The following DPYD variants were observed in gnomAD, a reference collection of about 807,000 sequenced individuals.
DPYD encodes the protein dihydropyrimidine dehydrogenase.
Under a neutral mutation model 116.2 loss-of-function variants are expected in DPYD, and 109 were observed. The observed-to-expected ratio is 0.94, with a 90% CI of 0.80 to 1.10. The LOEUF (loss-of-function observed/expected upper bound fraction) is 1.10, where lower values mean the gene tolerates loss of function less well. Ranked by LOEUF, DPYD falls within the 50% of genes least tolerant of loss-of-function variation. The probability of loss-of-function intolerance (pLI) is 0.00; values close to 1 mark genes in which losing one functional copy is unlikely to be tolerated. For missense variants in DPYD, 1,302 were observed against 1,254.5 expected, an observed-to-expected ratio of 1.04 and a Z score of -0.57; for synonymous variants, 440 against 432.0, an observed-to-expected ratio of 1.02 and a Z score of -0.23.
At chr1:97,475,753 T>C (rs944350379) in intron 13 of DPYD, among the ~76,000 whole-genome samples, 1 of 152,182 alleles carries the variant, frequency 6.6e-6, no homozygotes, top group African/African-American at 2.4e-5. Context: ...AAATTTGGCC[T>C]GTGCACCTTG....
intron 2 of DPYD, among the ~76,000 whole-genome samples, chr1:97,838,351 G>T (rs1253778815): frequency 5.3e-5 from 8 of 152,188 alleles, no homozygotes; most frequent in African/African-American, 1.9e-4. Flanking sequence ...ATGTGGCTCA[G>T]AGTTGTGGGT....
At chr1:97,847,545 T>C (rs1369738429) in intron 2 of DPYD, among the ~76,000 whole-genome samples, 1 of 152,186 alleles carries the variant, frequency 6.6e-6, no homozygotes, top group Non-Finnish European at 1.5e-5. Context: ...ATGCTAATTT[T>C]ATCTGCTTAA....
At chr1:97,483,314 G>A (rs571082190) in intron 13 of DPYD, among the ~76,000 whole-genome samples, 6 of 152,114 alleles carry the variant, frequency 3.9e-5, no homozygotes, top group East Asian at 1.9e-4. Flanking sequence ...AGATGAGCAC[G>A]CTCTCCAGTT....
chr1:97,740,769 T>C lies in DPYD; in HGVS notation c.234-290A>G, dbSNP rs182492380. Among the ~76,000 whole-genome samples, 61 of 152,316 alleles carry C rather than the reference T, an allele frequency of 4.0e-4. 1 individual carries two copies. The highest frequency in any genetic ancestry group is 6.8e-3 in the Middle Eastern group (2 of 294). On this transcript the variant is annotated intron_variant, in intron 3 of 22. Coordinates refer to ENST00000370192, the MANE Select transcript of DPYD (RefSeq NM_000110.4). ...TTTAGGACATACCATTCCCTCACTC[T>C]ATCAGTTTTGTTTCATCCTTCACTA...
chr1:97,578,406 A>G (rs1444346700), intron 10 of DPYD, among the ~76,000 whole-genome samples: 1 of 152,112 alleles, frequency 6.6e-6, no homozygotes, highest in African/African-American at 2.4e-5. Flanking sequence ...GGGCATCATC[A>G]TGATTTTACA....
At chr1:97,213,688 A>T (rs530003115) in intron 19 of DPYD, among the ~76,000 whole-genome samples, 1 of 152,328 alleles carries the variant, frequency 6.6e-6, no homozygotes, top group South Asian at 2.1e-4. Flanking sequence ...CATGGGGATA[A>T]AAAAGGAAAC....
At chr1:97,376,887 G>GTGTGTGTGTGTGTATATATA in intron 15 of DPYD, among the ~76,000 whole-genome samples, 21 of 128,456 alleles carry the variant, frequency 1.6e-4, no homozygotes, top group African/African-American at 5.7e-4. Flanking sequence ...GTGTGTGTGT[G>GTGTGTGTGTGTGTATATATA]TATATATATA....
At chr1:97,558,619 G>T (rs1651916452) in intron 11 of DPYD, among the ~76,000 whole-genome samples, 4 of 152,126 alleles carry the variant, frequency 2.6e-5, no homozygotes. Flanking sequence ...GTAAAATACA[G>T]ATCTGATCTT....
intron 8 of DPYD, among the ~76,000 whole-genome samples, chr1:97,664,842 A>G (rs1659472071): frequency 6.6e-6 from 1 of 152,132 alleles, no homozygotes; most frequent in Non-Finnish European, 1.5e-5. Flanking sequence ...TAAGTTGTAA[A>G]AGGCTGGAAG....
At chr1:97,323,471 G>GTGTATATATACACGTATATATACATATA (rs1197894515) in intron 16 of DPYD, among the ~76,000 whole-genome samples, 3 of 129,720 alleles carry the variant, frequency 2.3e-5, no homozygotes, top group Non-Finnish European at 3.3e-5. Flanking sequence ...ATACATATAT[G>GTGTATATATACACGTATATATACATATA]TGTATATATA....
chr1:97,845,100 AT>A (rs1364560017), intron 2 of DPYD, among the ~76,000 whole-genome samples: 1 of 152,168 alleles, frequency 6.6e-6, no homozygotes, highest in Non-Finnish European at 1.5e-5. Flanking sequence ...GGCACTGTAG[AT>A]TACCTGATCA....
chr1:97,086,184 G>A (rs1405467652), intron 21 of DPYD, among the ~76,000 whole-genome samples: 1 of 152,062 alleles, frequency 6.6e-6, no homozygotes, highest in Non-Finnish European at 1.5e-5. Flanking sequence ...CTCCCAAGTA[G>A]CTGGGGCTAC....
At chr1:97,106,624 C>A (rs963773387) in intron 20 of DPYD, among the ~76,000 whole-genome samples, 1 of 152,084 alleles carries the variant, frequency 6.6e-6, no homozygotes, top group Non-Finnish European at 1.5e-5. Context: ...CTGCTGCCCC[C>A]CTCATCTCCC....
chr1:97,839,788 T>G (rs1046816190), intron 2 of DPYD, among the ~76,000 whole-genome samples: 7 of 152,138 alleles, frequency 4.6e-5, no homozygotes, highest in African/African-American at 1.7e-4. Flanking sequence ...CACCACAAGT[T>G]TGTAGTAATT....
chr1:97,750,774 C>T (rs1044692680), intron 3 of DPYD, among the ~76,000 whole-genome samples: 4 of 152,062 alleles, frequency 2.6e-5, no homozygotes, highest in Admixed American at 6.5e-5. Flanking sequence ...TTGTTTTCAA[C>T]CAAACAAGGA....
rs528346361 is a variant in DPYD, at chr1:97,566,443, T to C, written c.1339+7317A>G. Among the ~76,000 whole-genome samples, 5 of 152,312 alleles carry C rather than the reference T, an allele frequency of 3.3e-5. 1 individual carries two copies. The South Asian group carries it at 1.0e-3, about 32-fold the overall frequency. On this transcript the variant is annotated intron_variant, in intron 11 of 22. Coordinates refer to ENST00000370192, the MANE Select transcript of DPYD (RefSeq NM_000110.4). ...TTATTGTATTGTATCCAGTGTATTA[T>C]ACCGGACTGATTACTTTAGTTCTTA...
At chr1:97,557,308 CT>C (rs796245332) in intron 11 of DPYD, among the ~76,000 whole-genome samples, 337 of 107,130 alleles carry the variant, frequency 3.1e-3, no homozygotes, top group African/African-American at 0.01. Context: ...TTTTTCTTTT[CT>C]TTTTTTTTTT....
intron 11 of DPYD, among the ~76,000 whole-genome samples, chr1:97,570,344 T>C (rs1278686477): frequency 6.6e-6 from 1 of 152,006 alleles, no homozygotes; most frequent in Non-Finnish European, 1.5e-5. Flanking sequence ...ATGTACTCTG[T>C]CAAGTTTACT....
At chr1:97,343,111 T>C (rs868696741) in intron 16 of DPYD, among the ~76,000 whole-genome samples, 15 of 152,124 alleles carry the variant, frequency 9.9e-5, no homozygotes, top group African/African-American at 3.4e-4. Flanking sequence ...TTCTTGTATG[T>C]GTGTGTTTAA....
Sources: gnomAD v4.1 joint callset for allele counts (sites outside exome capture counted in the v4.1 genomes callset) on GRCh38, gnomAD v4.1.1 for gene constraint, MANE v1.5 for transcripts, NCBI Gene and HGNC (gene_info 2026-07-23, HGNC 2026-07-21) for gene names.